SLC1A1: variants seen among roughly 807,000 people sequenced by gnomAD.
SLC1A1 encodes excitatory amino acid transporter 3.
A neutral mutation model predicts 53.3 loss-of-function variants in SLC1A1; 43 were observed. That is an observed-to-expected ratio of 0.81 (90% CI 0.63 to 1.04). SLC1A1 has a LOEUF of 1.04. Among genes scored for constraint, SLC1A1 ranks in the 50% least tolerant of loss-of-function variants. The pLI is 0.00. For missense variants in SLC1A1, 748 were observed against 664.9 expected (o/e 1.12, Z -1.37); for synonymous variants, 307 against 243.2 (o/e 1.26, Z -2.44).
intron 2 of SLC1A1, 97 bp downstream of exon 2, chr9:4,544,804 A>C (rs1188087902): frequency 1.4e-5 from 15 of 1,045,854 alleles, no homozygotes; most frequent in Non-Finnish European, 2.2e-5. Flanking sequence ...AAAGAGGTTT[A>C]ATTGACTCAC....
intron 1 of SLC1A1, among the ~76,000 whole-genome samples, chr9:4,501,478 C>T (rs1364327347): frequency 1.3e-5 from 2 of 151,604 alleles, no homozygotes; most frequent in African/African-American, 4.9e-5. Flanking sequence ...AAAACTACAG[C>T]ACTTTGGCCA....
chr9:4,544,122 G>A lies in SLC1A1; in HGVS notation c.92-445G>A, dbSNP rs141241265. Among the ~76,000 whole-genome samples the A allele has an allele frequency of 7.1e-4, 108 of 152,296 alleles. 1 individual carries two copies. The East Asian group carries it at 0.016, about 23-fold the overall frequency. ...GCCTGGAAGGTTGAGGCTGCAGTGAGCCGAGATGGTACCACTGTACTCTAG... is the reference window on the plus strand; with the variant it reads ...GCCTGGAAGGTTGAGGCTGCAGTGAACCGAGATGGTACCACTGTACTCTAG... On this transcript the variant is annotated intron_variant, in intron 1 of 11. Coordinates refer to ENST00000262352, the MANE Select transcript of SLC1A1 (RefSeq NM_004170.6).
At chr9:4,519,022 C>T (rs1163219758) in intron 1 of SLC1A1, among the ~76,000 whole-genome samples, 1 of 152,190 alleles carries the variant, frequency 6.6e-6, no homozygotes, top group Non-Finnish European at 1.5e-5. Context: ...GCCTTAGGGT[C>T]TCCAACCCCT....
chr9:4,559,944 G>C (rs1818774268), intron 2 of SLC1A1: 1 of 152,052 alleles, frequency 6.6e-6, no homozygotes, highest in Admixed American at 6.6e-5. Flanking sequence ...AAAGGTTTCT[G>C]GCAAGGCGGG....
intron 3 of SLC1A1, among the ~76,000 whole-genome samples, chr9:4,562,878 C>G (rs528862709): frequency 6.1e-5 from 9 of 147,706 alleles, no homozygotes; most frequent in African/African-American, 1.5e-4. Flanking sequence ...AATAAACATA[C>G]GTGTGCATGT....
At chr9:4,502,006 C>T (rs932092234) in intron 1 of SLC1A1, among the ~76,000 whole-genome samples, 1 of 151,698 alleles carries the variant, frequency 6.6e-6, no homozygotes, top group Admixed American at 6.6e-5. Flanking sequence ...CTCCCCATTA[C>T]TGGAAAATAA....
chr9:4,582,581 C>T (rs993018328), intron 10 of SLC1A1, among the ~76,000 whole-genome samples: 4 of 152,154 alleles, frequency 2.6e-5, no homozygotes, highest in African/African-American at 9.7e-5. Context: ...ATATTAGGTG[C>T]TCAGTAAATT....
Position 4,502,525 on chromosome 9 carries a change from A to G in SLC1A1, c.91+11755A>G, listed in dbSNP as rs577408193. On this transcript the variant is annotated intron_variant, in intron 1 of 11. Coordinates refer to ENST00000262352, the MANE Select transcript of SLC1A1 (RefSeq NM_004170.6). Reference sequence around the variant, plus strand: ...TAATATCAATATTTATTGAGAATTTACCACGAGTTTTATGTACATTTATCT... The same window carrying G: ...TAATATCAATATTTATTGAGAATTTGCCACGAGTTTTATGTACATTTATCT... Among the ~76,000 whole-genome samples, 46 of 151,286 alleles carry G rather than the reference A, an allele frequency of 3.0e-4. 1 individual carries two copies. Among genetic ancestry groups the G allele is most frequent in the Admixed American group, 9.2e-4 (14 of 15,204 alleles).
At chr9:4,531,133 C>T (rs1816451088) in intron 1 of SLC1A1, among the ~76,000 whole-genome samples, 1 of 152,180 alleles carries the variant, frequency 6.6e-6, no homozygotes, top group African/African-American at 2.4e-5. Context: ...GCGTGAGTGA[C>T]TCAGAAGATG....
chr9:4,532,479 T>C (rs1816510885), intron 1 of SLC1A1, among the ~76,000 whole-genome samples: 1 of 151,912 alleles, frequency 6.6e-6, no homozygotes, highest in South Asian at 2.1e-4. Flanking sequence ...GAAGATGAAA[T>C]GAATGAAATG....
chr9:4,516,281 C>T (rs759664518), intron 1 of SLC1A1, among the ~76,000 whole-genome samples: 1 of 152,188 alleles, frequency 6.6e-6, no homozygotes, highest in African/African-American at 2.4e-5. Context: ...TACACCCCAG[C>T]TGGCTCCTGG....
intron 1 of SLC1A1, among the ~76,000 whole-genome samples, chr9:4,491,044 G>A (rs1820217691): frequency 6.6e-6 from 1 of 152,258 alleles, no homozygotes; most frequent in African/African-American, 2.4e-5. Flanking sequence ...CTTGGGGGTA[G>A]AAAGGGAAGC....
At position 4,585,642 on chromosome 9, in the gene SLC1A1, A is replaced by C; in HGVS notation, c.*84A>C. The C allele has an allele frequency of 1.3e-6, 2 of 1,495,322 alleles. No homozygotes were observed. The highest frequency in any genetic ancestry group is 1.1e-5 in the South Asian group (1 of 87,878). 92.6% of individuals were successfully genotyped at this position (1,495,322 alleles called of 1,614,324 possible). On this transcript the variant is annotated 3_prime_UTR_variant, in exon 12 of 12. Transcript: ENST00000262352. ...AACACTGCTTAAGGAAAAGAGAAAC[A>C]CTAATGGCCAAGTGTACATTTGATT...
rs199767308 is a variant in SLC1A1, at chr9:4,512,768, A to AT, written c.91+22007dup. Among the ~76,000 whole-genome samples, 852 of 151,688 alleles carry AT rather than the reference A, an allele frequency of 5.6e-3. 11 individuals carry two copies. The highest frequency in any genetic ancestry group is 0.019 in the African/African-American group (794 of 41,396). ...GAAATATGCCCAGTTGGTCTTTTTT[A>AT]TTTTTTTTTAAATTGAGACAGGGTC... On this transcript the variant is annotated intron_variant, in intron 1 of 11. Transcript: ENST00000262352.
At chr9:4,570,086 C>T (rs922730626) in intron 6 of SLC1A1, among the ~76,000 whole-genome samples, 6 of 152,180 alleles carry the variant, frequency 3.9e-5, no homozygotes, top group Middle Eastern at 3.2e-3. Flanking sequence ...CTTTCTGAAA[C>T]ATGCTTTTTC....
intron 1 of SLC1A1, among the ~76,000 whole-genome samples, chr9:4,498,006 T>C (rs998885886): frequency 3.3e-5 from 5 of 152,232 alleles, no homozygotes; most frequent in Non-Finnish European, 5.9e-5. Flanking sequence ...TGATTACTGC[T>C]GTCTGGCACT....
chr9:4,534,398 G>A (rs1279451973), intron 1 of SLC1A1, among the ~76,000 whole-genome samples: 4 of 152,180 alleles, frequency 2.6e-5, no homozygotes, highest in Non-Finnish European at 4.4e-5. Context: ...TGATCCCACA[G>A]AAATACAGAC....
At chr9:4,528,123 G>A (rs1049128336) in intron 1 of SLC1A1, among the ~76,000 whole-genome samples, 14 of 152,126 alleles carry the variant, frequency 9.2e-5, no homozygotes, top group East Asian at 1.9e-4. Context: ...TGCATACCAC[G>A]ATGCGGTGAT....
At chr9:4,579,986 C>A (rs2129845541) in intron 10 of SLC1A1, among the ~76,000 whole-genome samples, 1 of 152,232 alleles carries the variant, frequency 6.6e-6, no homozygotes, top group East Asian at 1.9e-4. Flanking sequence ...TTTGGGAGAC[C>A]TAAGTGGGTG....
Sources: gnomAD v4.1 joint callset for allele counts (sites outside exome capture counted in the v4.1 genomes callset) on GRCh38, gnomAD v4.1.1 for gene constraint, MANE v1.5 for transcripts, NCBI Gene and HGNC (gene_info 2026-07-23, HGNC 2026-07-21) for gene names.